The following SPHKAP variants were observed in gnomAD, a reference collection of about 807,000 sequenced individuals.
The protein encoded by SPHKAP is SPHK1 interactor, AKAP domain containing, also known as A-kinase anchor protein SPHKAP.
SPHKAP carries 67 observed loss-of-function variants against 137.5 expected under a neutral mutation model. The ratio of observed to expected loss-of-function variants is 0.49; its 90% CI spans 0.40 to 0.60. SPHKAP has a LOEUF of 0.60. Among genes scored for constraint, SPHKAP ranks in the 20% least tolerant of loss-of-function variants. The pLI is 0.00. For missense variants in SPHKAP, 2,097 were observed against 2,069.3 expected (o/e 1.01, Z -0.26); for synonymous variants, 813 against 785.3 (o/e 1.04, Z -0.59).
intron 1 of SPHKAP, among the ~76,000 whole-genome samples, chr2:228,150,916 GTTTA>G (rs1016444632): frequency 2.6e-5 from 4 of 151,564 alleles, no homozygotes; most frequent in Non-Finnish European, 4.4e-5. Context: ...TGCATAGATA[GTTTA>G]TTTATTTATT....
At chr2:228,040,420 G>A (rs1471176021) in intron 3 of SPHKAP, among the ~76,000 whole-genome samples, 2 of 152,040 alleles carry the variant, frequency 1.3e-5, no homozygotes, top group African/African-American at 2.4e-5. Context: ...TTTCATCAAC[G>A]GTGTTATGCC....
At chr2:228,061,205 G>T (rs1696621814) in intron 3 of SPHKAP, among the ~76,000 whole-genome samples, 1 of 151,994 alleles carries the variant, frequency 6.6e-6, no homozygotes, top group South Asian at 2.1e-4. Context: ...GGCAGGATCG[G>T]GGATAAGAAC....
rs78474167 is a variant in SPHKAP at position 228,179,696 on chromosome 2, G to C, written c.32+1871C>G. Among the ~76,000 whole-genome samples the C allele has an allele frequency of 2.3e-3, 357 of 152,290 alleles. 3 individuals carry two copies. The highest frequency in any genetic ancestry group is 8.5e-3 in the African/African-American group (352 of 41,560). Reference sequence around the variant, plus strand: ...GATATTAAGCCTATATTAACATTTTGATAGGCCACTACAAGATACAGAGCA... The same window carrying C: ...GATATTAAGCCTATATTAACATTTTCATAGGCCACTACAAGATACAGAGCA... On this transcript the variant is annotated intron_variant, in intron 1 of 11. Coordinates refer to ENST00000392056, the MANE Select transcript of SPHKAP (RefSeq NM_001142644.2).
At chr2:228,091,173 A>T (rs1400536239) in intron 3 of SPHKAP, among the ~76,000 whole-genome samples, 1 of 152,224 alleles carries the variant, frequency 6.6e-6, no homozygotes, top group Non-Finnish European at 1.5e-5. Flanking sequence ...CAGATTAAAA[A>T]TAAAAAACAT....
intron 1 of SPHKAP, among the ~76,000 whole-genome samples, chr2:228,149,118 T>C (rs567108369): frequency 3.0e-4 from 46 of 152,170 alleles, no homozygotes; most frequent in Non-Finnish European, 5.3e-4. Flanking sequence ...AAACACACTT[T>C]GTGTTTCTCA....
intron 4 of SPHKAP, among the ~76,000 whole-genome samples, chr2:228,026,830 G>A (rs1229225609): frequency 6.6e-6 from 1 of 152,160 alleles, no homozygotes; most frequent in East Asian, 1.9e-4. Flanking sequence ...AGTAATTGCA[G>A]GTCTACTGTT....
chr2:228,062,377 G>A (rs1044821399), intron 3 of SPHKAP, among the ~76,000 whole-genome samples: 6 of 151,524 alleles, frequency 4.0e-5, no homozygotes, highest in African/African-American at 7.3e-5. Context: ...CACCTGCCTC[G>A]GCCTCCCAAA....
chr2:228,061,769 GTA>G (rs1267694996), intron 3 of SPHKAP, among the ~76,000 whole-genome samples: 2 of 149,916 alleles, frequency 1.3e-5, no homozygotes, highest in Admixed American at 6.7e-5. Context: ...ACACACATAT[GTA>G]TATATATATA....
chr2:228,144,972 C>T (rs1305182789), intron 1 of SPHKAP, among the ~76,000 whole-genome samples: 4 of 152,172 alleles, frequency 2.6e-5, no homozygotes, highest in Middle Eastern at 3.2e-3. Context: ...TCCTTTATCA[C>T]GGATAATTGT....
At chr2:228,131,681 G>C (rs191090927) in intron 2 of SPHKAP, 261 of 563,526 alleles carry the variant, frequency 4.6e-4, no homozygotes, top group Non-Finnish European at 5.4e-4. Context: ...ACATTTTTCT[G>C]AAAGGAGATG....
intron 2 of SPHKAP, among the ~76,000 whole-genome samples, chr2:228,122,736 A>G (rs1039211318): frequency 6.6e-6 from 1 of 152,136 alleles, no homozygotes; most frequent in Non-Finnish European, 1.5e-5. Context: ...CAAAGGTTTT[A>G]TTACTTGCAT....
chr2:228,080,069 T>C (rs1008466204), intron 3 of SPHKAP, among the ~76,000 whole-genome samples: 1 of 102,760 alleles, frequency 9.7e-6, no homozygotes, highest in South Asian at 2.6e-4. Context: ...AGTAACAATG[T>C]TTTTTTTTTT....
intron 3 of SPHKAP, among the ~76,000 whole-genome samples, chr2:228,030,161 G>C (rs1695226657): frequency 6.6e-6 from 1 of 152,130 alleles, no homozygotes; most frequent in Admixed American, 6.5e-5. Context: ...CTTCATAGTA[G>C]GGGATGATCC....
chr2:228,104,082 G>A (rs1698258478), intron 3 of SPHKAP, among the ~76,000 whole-genome samples: 1 of 151,448 alleles, frequency 6.6e-6, no homozygotes. Flanking sequence ...AATTAAAGAA[G>A]TAATAATTTT....
At position 228,018,071 on chromosome 2, in the gene SPHKAP, T is replaced by A; in HGVS notation, c.2783A>T (p.Asp928Val). 1 of 1,614,182 alleles carries A rather than the reference T, an allele frequency of 6.2e-7. No homozygotes were observed. The highest frequency in any genetic ancestry group is 8.5e-7 in the Non-Finnish European group (1 of 1,180,032). The change falls in exon 7 of 12, where the codon GAC becomes GTC. Residue 928 changes from aspartate (D) to valine (V), a missense_variant. Physicochemically the swap from Asp to Val is radical, Grantham distance 152. Coordinates refer to ENST00000392056, the MANE Select transcript of SPHKAP (RefSeq NM_001142644.2). ...TKHPDIYCIT[D>V]FAEELADTVV... ...CGTGTCTGCTAATTCTTCCGCAAAG[T>A]CTGTAATGCAGTAGATGTCTGGATG...
intron 6 of SPHKAP, 71 bp from the exon 7 acceptor site, chr2:228,020,227 T>C: frequency 1.3e-6 from 2 of 1,508,264 alleles, no homozygotes; most frequent in East Asian, 4.5e-5. Flanking sequence ...AAGTAATAAT[T>C]ACTTTCTAAA....
intron 3 of SPHKAP, among the ~76,000 whole-genome samples, chr2:228,081,862 G>T (rs1310115060): frequency 2.0e-5 from 3 of 152,102 alleles, no homozygotes; most frequent in Non-Finnish European, 2.9e-5. Context: ...ATAAGTTCAA[G>T]AAATCTATTG....
At chr2:228,155,393 T>C (rs1361242387) in intron 1 of SPHKAP, among the ~76,000 whole-genome samples, 1 of 152,206 alleles carries the variant, frequency 6.6e-6, no homozygotes, top group East Asian at 1.9e-4. Context: ...TTATGCTCCA[T>C]ATAAATCATA....
At chr2:227,982,527 G>T (rs1298455600) in intron 11 of SPHKAP, among the ~76,000 whole-genome samples, 1 of 152,136 alleles carries the variant, frequency 6.6e-6, no homozygotes, top group Non-Finnish European at 1.5e-5. Flanking sequence ...CTTGAAGGGA[G>T]GAAAAATGGA....
Sources: gnomAD v4.1 joint callset for allele counts (sites outside exome capture counted in the v4.1 genomes callset) on GRCh38, gnomAD v4.1.1 for gene constraint, MANE v1.5 for transcripts, NCBI Gene and HGNC (gene_info 2026-07-23, HGNC 2026-07-21) for gene names.